PALM2AKAP2: variants seen among roughly 807,000 people sequenced by gnomAD.
PALM2AKAP2 encodes PALM2 and AKAP2 fusion.
In PALM2AKAP2, 37 loss-of-function variants were observed where a neutral mutation model predicts 71.5. That is an observed-to-expected ratio of 0.52 (90% confidence interval 0.40 to 0.68). The LOEUF is 0.68. Among genes scored for constraint, PALM2AKAP2 ranks in the 30% least tolerant of loss-of-function variants. PALM2AKAP2 has a pLI of 0.00. For synonymous variants in PALM2AKAP2, 468 were observed against 478.8 expected (o/e 0.98, Z 0.29); for missense variants, 1,224 against 1,191.8 (o/e 1.03, Z -0.40).
intron 1 of PALM2AKAP2, among the ~76,000 whole-genome samples, chr9:109,650,762 C>A (rs1026356988): frequency 6.6e-6 from 1 of 152,122 alleles, no homozygotes; most frequent in African/African-American, 2.4e-5. Context: ...ATTTTTCCTT[C>A]TTTTAGTTCA....
At chr9:109,689,068 A>C (rs1827842568) in intron 1 of PALM2AKAP2, among the ~76,000 whole-genome samples, 1 of 152,208 alleles carries the variant, frequency 6.6e-6, no homozygotes, top group Non-Finnish European at 1.5e-5. Context: ...CTGAAGGATC[A>C]CATTCCCATA....
At chr9:110,023,594 G>C (rs961345641) in intron 7 of PALM2AKAP2, among the ~76,000 whole-genome samples, 1 of 151,916 alleles carries the variant, frequency 6.6e-6, no homozygotes, top group Non-Finnish European at 1.5e-5. Context: ...GATTACAGGC[G>C]TGAGCCACAG....
At chr9:109,964,297 G>C (rs1831904247) in intron 6 of PALM2AKAP2, among the ~76,000 whole-genome samples, 1 of 152,166 alleles carries the variant, frequency 6.6e-6, no homozygotes, top group African/African-American at 2.4e-5. Flanking sequence ...AGAGGTTTTG[G>C]CCCTAGCTAA....
In PALM2AKAP2 at chr9:110,092,331, C is replaced by CA. The variant is rs924189429; in HGVS notation, c.156+43485dup. 8.0e-5 allele frequency among the ~76,000 whole-genome samples: 12 copies of CA among 149,336 alleles called. No individual in the cohort carries two copies. In the South Asian group the frequency reaches 1.3e-3, roughly 16 times the overall value. ...TGAGTGACAGAGTGAGACTCCGCCTCAAAAAAAAAGAAGTAAGATCTGATT... is the reference window on the plus strand; with the variant it reads ...TGAGTGACAGAGTGAGACTCCGCCTCAAAAAAAAAAGAAGTAAGATCTGATT... On this transcript the variant is annotated intron_variant, in intron 1 of 3. Coordinates refer to ENST00000374525, the Ensembl canonical transcript of PALM2AKAP2.
intron 3 of PALM2AKAP2, among the ~76,000 whole-genome samples, chr9:109,882,803 T>C (rs1248379545): frequency 1.3e-5 from 2 of 151,914 alleles, no homozygotes; most frequent in Non-Finnish European, 2.9e-5. Context: ...CCACTGTGCC[T>C]AGCATTATTA....
intron 6 of PALM2AKAP2, chr9:109,944,767 A>G (rs1831463470): frequency 6.6e-6 from 1 of 152,140 alleles, no homozygotes; most frequent in African/African-American, 2.4e-5. Flanking sequence ...ATACCTTCTC[A>G]GCACTCCCCC....
At chr9:109,701,776 G>C (rs966909149) in intron 1 of PALM2AKAP2, among the ~76,000 whole-genome samples, 10 of 152,146 alleles carry the variant, frequency 6.6e-5, no homozygotes, top group Admixed American at 5.9e-4. Context: ...CTTCTGCACG[G>C]CAAAAGAAAC....
At chr9:109,758,655 G>T (rs1829004222) in intron 1 of PALM2AKAP2, among the ~76,000 whole-genome samples, 1 of 151,774 alleles carries the variant, frequency 6.6e-6, no homozygotes, top group African/African-American at 2.4e-5. Flanking sequence ...GTGCAAAGAA[G>T]TGGTAGTTTA....
Position 110,111,086 on chromosome 9 carries a change from C to CTTTTTTTTTTTT in PALM2AKAP2, c.157-25029_157-25018dup, listed in dbSNP as rs34958946. On this transcript the variant is annotated intron_variant, in intron 1 of 3. Coordinates refer to ENST00000374525, the Ensembl canonical transcript of PALM2AKAP2. ...TCCTTTTTTCTTTTCTTTCTTTCTTCTTTTTTTTTTTTTTTTTTTTTTTGA... is the reference window on the plus strand; with the variant it reads ...TCCTTTTTTCTTTTCTTTCTTTCTTCTTTTTTTTTTTTTTTTTTTTTTTTTTTTTTTTTTTGA... Among the ~76,000 whole-genome samples, 112 of 84,198 alleles carry CTTTTTTTTTTTT rather than the reference C, an allele frequency of 1.3e-3. 1 individual carries two copies. Among genetic ancestry groups the CTTTTTTTTTTTT allele is most frequent in the African/African-American group, 2.1e-3 (42 of 20,338 alleles). 55.2% of individuals were successfully genotyped at this position (84,198 alleles called of 152,430 possible).
intron 6 of PALM2AKAP2, among the ~76,000 whole-genome samples, chr9:110,009,825 T>C (rs1222244514): frequency 6.6e-6 from 1 of 152,166 alleles, no homozygotes; most frequent in Non-Finnish European, 1.5e-5. Context: ...GATCCTCATG[T>C]GTGTCCCTGG....
chr9:110,043,373 C>T (rs886968870), intron 7 of PALM2AKAP2, among the ~76,000 whole-genome samples: 2 of 152,214 alleles, frequency 1.3e-5, no homozygotes, highest in Non-Finnish European at 2.9e-5. Flanking sequence ...TCTGGTCTTT[C>T]ATCCAATTTG....
chr9:109,772,748 A>G (rs1829288069), intron 1 of PALM2AKAP2, among the ~76,000 whole-genome samples: 1 of 152,070 alleles, frequency 6.6e-6, no homozygotes, highest in Non-Finnish European at 1.5e-5. Flanking sequence ...CCTTCCAAAA[A>G]CTTGAAAGCA....
At chr9:109,695,348 C>A (rs1308047552) in intron 1 of PALM2AKAP2, among the ~76,000 whole-genome samples, 4 of 152,070 alleles carry the variant, frequency 2.6e-5, no homozygotes, top group African/African-American at 9.7e-5. Context: ...TGTGGCAGTT[C>A]TATTTTTAGT....
intron 1 of PALM2AKAP2, among the ~76,000 whole-genome samples, chr9:110,109,072 C>A (rs929789209): frequency 4.6e-5 from 7 of 152,022 alleles, no homozygotes; most frequent in African/African-American, 1.7e-4. Flanking sequence ...AATCCCAGCA[C>A]TTTGGGAGGC....
intron 1 of PALM2AKAP2, among the ~76,000 whole-genome samples, chr9:109,672,837 G>T (rs1046846602): frequency 6.6e-6 from 1 of 151,594 alleles, no homozygotes; most frequent in African/African-American, 2.4e-5. Context: ...TCTTAGGAGG[G>T]TATATGTGTC....
At chr9:109,777,970 C>A (rs986374258), upstream of PALM2AKAP2, among the ~76,000 whole-genome samples, 1 of 152,228 alleles carries the variant, frequency 6.6e-6, no homozygotes, top group African/African-American at 2.4e-5. Context: ...ATATTTCCAA[C>A]TGATCACTTC....
intron 1 of PALM2AKAP2, among the ~76,000 whole-genome samples, chr9:109,813,813 G>T (rs1827785113): frequency 6.6e-6 from 1 of 152,174 alleles, no homozygotes; most frequent in South Asian, 2.1e-4. Flanking sequence ...GTAGAACCAG[G>T]AACCCAACTC....
intron 6 of PALM2AKAP2, among the ~76,000 whole-genome samples, chr9:109,971,472 C>G (rs1036279697): frequency 1.3e-5 from 2 of 151,962 alleles, no homozygotes; most frequent in East Asian, 1.9e-4. Context: ...GGTGTCCAAG[C>G]TGGAGTGCAA....
At chr9:109,952,895 A>G (rs1214046148) in intron 6 of PALM2AKAP2, among the ~76,000 whole-genome samples, 1 of 152,218 alleles carries the variant, frequency 6.6e-6, no homozygotes, top group Non-Finnish European at 1.5e-5. Context: ...GTTAAAGGAA[A>G]TTATATTTAT....
Sources: gnomAD v4.1 joint callset for allele counts (sites outside exome capture counted in the v4.1 genomes callset) on GRCh38, gnomAD v4.1.1 for gene constraint, MANE v1.5 for transcripts, NCBI Gene and HGNC (gene_info 2026-07-23, HGNC 2026-07-21) for gene names.